The following DTNA variants were observed in gnomAD, a reference collection of about 807,000 sequenced individuals.
DTNA encodes the protein dystrophin-related protein 3.
In DTNA, 43 loss-of-function variants were observed where a neutral mutation model predicts 100.7. The ratio of observed to expected loss-of-function variants is 0.43; its 90% CI spans 0.33 to 0.55. The LOEUF (loss-of-function observed/expected upper bound fraction) is 0.55. Among genes scored for constraint, DTNA ranks in the 20% least tolerant of loss-of-function variants. The probability of loss-of-function intolerance (pLI) is 0.04; values close to 1 mark genes in which losing one functional copy is unlikely to be tolerated. For missense variants in DTNA, 798 were observed against 953.9 expected (o/e 0.84, Z 2.15); for synonymous variants, 349 against 347.9 (o/e 1.00, Z -0.04).
intron 1 of DTNA, among the ~76,000 whole-genome samples, chr18:34,571,593 A>G (rs1173346023): frequency 1.3e-5 from 2 of 152,160 alleles, no homozygotes; most frequent in African/African-American, 4.8e-5. Flanking sequence ...CAAACAAAAA[A>G]AAAGAAAATC....
chr18:34,498,187 G>A (rs1038782126), intron 1 of DTNA, among the ~76,000 whole-genome samples: 4 of 152,108 alleles, frequency 2.6e-5, no homozygotes, highest in Admixed American at 6.5e-5. Context: ...AGGCTTAAGC[G>A]GGCAGATCAC....
At chr18:34,695,884 A>G (rs2145991033) in intron 1 of DTNA, among the ~76,000 whole-genome samples, 1 of 152,238 alleles carries the variant, frequency 6.6e-6, no homozygotes, top group East Asian at 1.9e-4. Context: ...ATTTTTTTTT[A>G]GCATTTACCC....
At chr18:34,804,522 A>G (rs1471584177) in intron 4 of DTNA, among the ~76,000 whole-genome samples, 1 of 152,214 alleles carries the variant, frequency 6.6e-6, no homozygotes, top group Non-Finnish European at 1.5e-5. Flanking sequence ...TGAGTCCTTC[A>G]AACATTTGTT....
chr18:34,812,860 G>A (rs141685128), intron 6 of DTNA, among the ~76,000 whole-genome samples: 1 of 152,262 alleles, frequency 6.6e-6, no homozygotes, highest in East Asian at 1.9e-4. Context: ...TTTAACATTG[G>A]TTTAGCAAAG....
chr18:34,720,685 G>A (rs968798626), intron 1 of DTNA, among the ~76,000 whole-genome samples: 2 of 152,104 alleles, frequency 1.3e-5, no homozygotes, highest in Admixed American at 6.5e-5. Context: ...GTGCCAGGCC[G>A]ACCACCCAAT....
chr18:34,768,662 G>A (rs559832665), intron 3 of DTNA, among the ~76,000 whole-genome samples: 10 of 152,300 alleles, frequency 6.6e-5, no homozygotes, highest in African/African-American at 2.2e-4. Flanking sequence ...ATCCATCCCT[G>A]GGTGAAAATA....
chr18:34,500,914 A>G (rs2144596184), intron 1 of DTNA, among the ~76,000 whole-genome samples: 1 of 152,324 alleles, frequency 6.6e-6, no homozygotes, highest in African/African-American at 2.4e-5. Flanking sequence ...AAACAGAAAC[A>G]ATTTTATTTA....
At chr18:34,855,408 A>G (rs1417051671) in intron 15 of DTNA, among the ~76,000 whole-genome samples, 1 of 152,246 alleles carries the variant, frequency 6.6e-6, no homozygotes, top group Admixed American at 6.5e-5. Flanking sequence ...AGATGGTTCC[A>G]GAAATAAAAA....
intron 3 of DTNA, among the ~76,000 whole-genome samples, chr18:34,781,737 T>G (rs969130037): frequency 6.6e-6 from 1 of 152,240 alleles, no homozygotes; most frequent in Non-Finnish European, 1.5e-5. Context: ...TTTCTGTTAT[T>G]TATTTGTATT....
chr18:34,602,102 T>G (rs867915358), intron 1 of DTNA, among the ~76,000 whole-genome samples: 14 of 152,326 alleles, frequency 9.2e-5, no homozygotes, highest in African/African-American at 3.4e-4. Flanking sequence ...TAGTCTCGAA[T>G]AGCATTTATA....
chr18:34,839,583 T>C (rs1370672678), intron 13 of DTNA, among the ~76,000 whole-genome samples: 1 of 152,216 alleles, frequency 6.6e-6, no homozygotes, highest in Non-Finnish European at 1.5e-5. Context: ...AAGGACAAAC[T>C]ATGTATCATA....
chr18:34,523,375 C>T (rs1162804191), intron 1 of DTNA, among the ~76,000 whole-genome samples: 2 of 152,152 alleles, frequency 1.3e-5, no homozygotes, highest in African/African-American at 2.4e-5. Flanking sequence ...AAAACATTTA[C>T]ACCTTGAAAA....
At chr18:34,805,247 A>G (rs1043179233) in intron 4 of DTNA, among the ~76,000 whole-genome samples, 2 of 152,226 alleles carry the variant, frequency 1.3e-5, no homozygotes, top group Non-Finnish European at 2.9e-5. Context: ...TGTGAAGGAC[A>G]GATTTGTTAT....
At chr18:34,676,341 T>C (rs1458873636) in intron 1 of DTNA, among the ~76,000 whole-genome samples, 2 of 152,184 alleles carry the variant, frequency 1.3e-5, no homozygotes, top group East Asian at 1.9e-4. Flanking sequence ...ATGAATGAAA[T>C]ACTTCTTTCT....
intron 10 of DTNA, among the ~76,000 whole-genome samples, chr18:34,828,143 T>G (rs1221073459): frequency 6.6e-6 from 1 of 152,178 alleles, no homozygotes; most frequent in Admixed American, 6.5e-5. Context: ...AGACCAAACT[T>G]GGAAATGTAG....
intron 1 of DTNA, among the ~76,000 whole-genome samples, chr18:34,714,591 C>T (rs1475649572): frequency 2.0e-5 from 3 of 150,108 alleles, no homozygotes; most frequent in Non-Finnish European, 4.4e-5. Flanking sequence ...ACAACAGGTG[C>T]TGGAGAGGAT....
intron 1 of DTNA, among the ~76,000 whole-genome samples, chr18:34,611,173 CA>C (rs964103599): frequency 2.6e-5 from 4 of 151,518 alleles, no homozygotes; most frequent in East Asian, 1.9e-4. Context: ...TAAACTCCCA[CA>C]AAAAAAAATT....
intron 1 of DTNA, among the ~76,000 whole-genome samples, chr18:34,650,449 GT>G (rs1451891885): frequency 6.6e-6 from 1 of 152,132 alleles, no homozygotes; most frequent in African/African-American, 2.4e-5. Flanking sequence ...CATCTGCTTT[GT>G]TCCTACTTCT....
chr18:34,609,466 G>A (rs543178662), intron 1 of DTNA, among the ~76,000 whole-genome samples: 4 of 152,012 alleles, frequency 2.6e-5, no homozygotes, highest in South Asian at 2.1e-4. Context: ...GGATGGTCTC[G>A]ATCTCCTCAT....
Sources: allele counts gnomAD v4.1 joint callset (sites outside exome capture counted in the v4.1 genomes callset), GRCh38; gene constraint gnomAD v4.1.1; transcripts MANE v1.5; gene names NCBI Gene and HGNC (gene_info 2026-07-23, HGNC 2026-07-21).